PHF8: variants seen among roughly 807,000 people sequenced by gnomAD.
PHF8 encodes PHD finger protein 8.
In PHF8, 9 loss-of-function variants were observed where a neutral mutation model predicts 74.4. That is an observed-to-expected ratio of 0.12 (90% CI 0.07 to 0.21). PHF8 has a LOEUF of 0.21. Among genes scored for constraint, PHF8 ranks in the 10% least tolerant of loss-of-function variants. The probability of loss-of-function intolerance (pLI) is 1.00; values close to 1 mark genes in which losing one functional copy is unlikely to be tolerated. For missense variants in PHF8, 478 were observed against 816.6 expected, an observed-to-expected ratio of 0.59 and a Z score of 5.05; for synonymous variants, 311 against 316.6, an observed-to-expected ratio of 0.98 and a Z score of 0.19.
chrX:54,025,172 G>A (rs1275694588), intron 2 of PHF8, among the ~76,000 whole-genome samples: 2 of 111,559 alleles, frequency 1.8e-5, no homozygotes, highest in Admixed American at 9.5e-5. Flanking sequence ...CACTGCGCCC[G>A]GCCGGTTCAT....
chrX:53,960,992 A>T (rs1029806101), intron 19 of PHF8, among the ~76,000 whole-genome samples: 2 of 110,629 alleles, frequency 1.8e-5, no homozygotes, highest in Non-Finnish European at 3.8e-5. Flanking sequence ...TGGAAATGAT[A>T]GAAGAAAATA....
intron 8 of PHF8, among the ~76,000 whole-genome samples, chrX:54,008,371 CAAAAAAAAAAAAAA>C (rs34539175): frequency 2.8e-5 from 1 of 36,235 alleles, no homozygotes; most frequent in African/African-American, 1.2e-4. Context: ...AATACTCCGT[CAAAAAAAAAAAAAA>C]AAAAAAAAAG....
At chrX:54,033,072 T>C (rs1342592244) in intron 2 of PHF8, among the ~76,000 whole-genome samples, 3 of 111,039 alleles carry the variant, frequency 2.7e-5, no homozygotes, top group African/African-American at 6.6e-5. Flanking sequence ...AGGTGGTGGA[T>C]AGCACCAAAG....
upstream of PHF8, among the ~76,000 whole-genome samples, chrX:54,046,258 A>G (rs1235782323): frequency 9.0e-6 from 1 of 110,656 alleles, no homozygotes; most frequent in Non-Finnish European, 1.9e-5. Flanking sequence ...CCTGAAGCTT[A>G]TATGGTTTGG....
At chrX:54,006,679 T>C (rs1163415499) in intron 8 of PHF8, among the ~76,000 whole-genome samples, 1 of 111,688 alleles carries the variant, frequency 9.0e-6, no homozygotes, top group Admixed American at 9.5e-5. Flanking sequence ...CTGACGCCTG[T>C]AATCCCAGCA....
intron 19 of PHF8, among the ~76,000 whole-genome samples, chrX:53,962,059 G>C (rs1415050353): frequency 1.8e-5 from 2 of 111,695 alleles, no homozygotes; most frequent in Non-Finnish European, 3.8e-5. Context: ...CTGCCACCTT[G>C]TGGAAAAGCT....
chrX:53,962,989 G>A (rs1569525080), intron 18 of PHF8, 50 bp from the exon 19 acceptor site: 1 of 787,040 alleles, frequency 1.3e-6, no homozygotes, highest in East Asian at 3.1e-5. Context: ...TCCAAAGGGT[G>A]AAGATAGAAT....
At chrX:53,951,039 G>GA (rs781960358) in intron 19 of PHF8, among the ~76,000 whole-genome samples, 10 of 112,401 alleles carry the variant, frequency 8.9e-5, no homozygotes, top group Admixed American at 8.5e-4. Flanking sequence ...GGAACTACAG[G>GA]AAAGTATGAG....
intron 18 of PHF8, among the ~76,000 whole-genome samples, chrX:53,967,914 G>A (rs1291778471): frequency 9.0e-6 from 1 of 110,714 alleles, no homozygotes; most frequent in Non-Finnish European, 1.9e-5. Context: ...ATGCTTGAAG[G>A]CAGCATGCTC....
intron 20 of PHF8, chrX:53,943,457 A>C: frequency 9.7e-7 from 1 of 1,036,202 alleles, no homozygotes; most frequent in Non-Finnish European, 1.3e-6. Context: ...CAGATAGATT[A>C]CATTACACAT....
At chrX:54,009,519 G>C (rs782725708) in intron 8 of PHF8, among the ~76,000 whole-genome samples, 1 of 109,693 alleles carries the variant, frequency 9.1e-6, no homozygotes, top group South Asian at 3.9e-4. Flanking sequence ...CAACACAACT[G>C]AAAACAAAAA....
At chrX:53,989,704 G>A (rs192585734) in intron 14 of PHF8, among the ~76,000 whole-genome samples, 27 of 111,980 alleles carry the variant, frequency 2.4e-4, no homozygotes, top group African/African-American at 8.1e-4. Flanking sequence ...TGGTAAATCA[G>A]TAAATTGATA....
At chrX:53,944,975 T>C (rs1172369146) in intron 19 of PHF8, among the ~76,000 whole-genome samples, 1 of 110,691 alleles carries the variant, frequency 9.0e-6, no homozygotes, top group Admixed American at 9.7e-5. Flanking sequence ...TGAGCAGAGA[T>C]TGCATCACTG....
At chrX:53,963,420 T>C (rs2065132714) in intron 18 of PHF8, among the ~76,000 whole-genome samples, 1 of 111,602 alleles carries the variant, frequency 9.0e-6, no homozygotes, top group Non-Finnish European at 1.9e-5. Flanking sequence ...TATTTCAAAT[T>C]AAGGGAGCCT....
At chrX:53,953,327 TAAAAA>T (rs58035318) in intron 19 of PHF8, among the ~76,000 whole-genome samples, 1 of 99,142 alleles carries the variant, frequency 1.0e-5, no homozygotes, top group African/African-American at 3.7e-5. Context: ...TATAGAGAGA[TAAAAA>T]AAAAAGGAAT....
intron 14 of PHF8, among the ~76,000 whole-genome samples, chrX:53,988,499 A>G (rs1380916318): frequency 1.8e-5 from 2 of 111,749 alleles, no homozygotes; most frequent in Non-Finnish European, 3.8e-5. Flanking sequence ...CCTGGGATTA[A>G]GTAAAATTAA....
chrX:53,943,383 G>T, intron 20 of PHF8: 1 of 957,252 alleles, frequency 1.0e-6, no homozygotes, highest in Non-Finnish European at 1.5e-6. Flanking sequence ...GTCAGTTAAT[G>T]AGAGCTTCAT....
intron 20 of PHF8, chrX:53,943,542 G>A (rs994462575): frequency 3.6e-5 from 19 of 528,006 alleles, no homozygotes; most frequent in East Asian, 2.1e-4. Context: ...AGGAGCTAAC[G>A]GGATATTGAT....
At chrX:53,971,288 T>A (rs2065286561) in intron 18 of PHF8, among the ~76,000 whole-genome samples, 1 of 111,516 alleles carries the variant, frequency 9.0e-6, no homozygotes, top group African/African-American at 3.3e-5. Context: ...TTGAAACTAA[T>A]GAGAACAAAG....
Sources: allele counts gnomAD v4.1 joint callset (sites outside exome capture counted in the v4.1 genomes callset), GRCh38; gene constraint gnomAD v4.1.1; transcripts MANE v1.5; gene names NCBI Gene and HGNC (gene_info 2026-07-23, HGNC 2026-07-21).